The following MDH1B variants were observed in gnomAD, a reference collection of about 807,000 sequenced individuals.
MDH1B encodes putative malate dehydrogenase 1B.
A neutral mutation model predicts 61.4 loss-of-function variants in MDH1B; 60 were observed. That is an observed-to-expected ratio of 0.98 (90% CI 0.79 to 1.21). The LOEUF (loss-of-function observed/expected upper bound fraction) is 1.21. Among genes scored for constraint, MDH1B ranks in the 50% most tolerant of loss-of-function variants. MDH1B has a pLI of 0.00. For missense variants in MDH1B, 587 were observed against 632.1 expected (o/e 0.93, Z 0.76); for synonymous variants, 236 against 218.7 (o/e 1.08, Z -0.70).
At chr2:206,738,571 T>C in intron 11 of MDH1B, 60 bp from the exon 12 acceptor site, 1 of 1,262,918 alleles carries the variant, frequency 7.9e-7, no homozygotes, top group Non-Finnish European at 1.1e-6. Flanking sequence ...GTAGCATATG[T>C]TATTATTAGC....
Sources: gnomAD v4.1 joint callset for allele counts on GRCh38, gnomAD v4.1.1 for gene constraint, MANE v1.5 for transcripts, NCBI Gene and HGNC (gene_info 2026-07-23, HGNC 2026-07-21) for gene names.